ACVR1C: variants seen among roughly 807,000 people sequenced by gnomAD.
ACVR1C encodes activin A receptor type 1C, also known as activin receptor type-1C.
Under a neutral mutation model 57.9 loss-of-function variants are expected in ACVR1C, and 23 were observed. The observed-to-expected ratio is 0.40, with a 90% CI of 0.29 to 0.56. The LOEUF is 0.56. ACVR1C is among the 20% of genes least tolerant of loss of function. ACVR1C has a pLI of 0.50. For missense variants in ACVR1C, 480 were observed against 607.9 expected, an observed-to-expected ratio of 0.79 and a Z score of 2.21; for synonymous variants, 214 against 215.3, an observed-to-expected ratio of 0.99 and a Z score of 0.05.
chr2:157,572,833 T>C (rs911203963), intron 2 of ACVR1C, among the ~76,000 whole-genome samples: 1 of 152,124 alleles, frequency 6.6e-6, no homozygotes, highest in African/African-American at 2.4e-5. Flanking sequence ...GAAAAAAGCC[T>C]GTCTGGCACA....
At chr2:157,557,456 C>G (rs1347962340) in intron 2 of ACVR1C, among the ~76,000 whole-genome samples, 3 of 152,018 alleles carry the variant, frequency 2.0e-5, no homozygotes, top group African/African-American at 4.8e-5. Context: ...CTCTCAAGAC[C>G]CTTGTCCTGC....
chr2:157,534,897 T>A (rs558860085), intron 8 of ACVR1C, among the ~76,000 whole-genome samples: 4 of 152,232 alleles, frequency 2.6e-5, no homozygotes, highest in African/African-American at 9.6e-5. Context: ...GTCTCATGCC[T>A]GTAATTCTAG....
At chr2:157,586,821 T>C (rs977782693) in intron 2 of ACVR1C, among the ~76,000 whole-genome samples, 3 of 152,190 alleles carry the variant, frequency 2.0e-5, no homozygotes, top group Non-Finnish European at 4.4e-5. Flanking sequence ...CTTCTCAGTA[T>C]GTATTTCAAT....
At chr2:157,617,203 G>A (rs1682673057) in intron 1 of ACVR1C, among the ~76,000 whole-genome samples, 1 of 151,966 alleles carries the variant, frequency 6.6e-6, no homozygotes, top group Admixed American at 6.6e-5. Context: ...GATAAAGAGG[G>A]ACGTCTTATA....
At chr2:157,623,152 G>C (rs892509477) in intron 1 of ACVR1C, among the ~76,000 whole-genome samples, 3 of 152,210 alleles carry the variant, frequency 2.0e-5, no homozygotes, top group African/African-American at 4.8e-5. Flanking sequence ...TTTGTACACT[G>C]TTGGTAGGAT....
intron 2 of ACVR1C, among the ~76,000 whole-genome samples, chr2:157,560,592 C>A (rs1488105913): frequency 6.6e-6 from 1 of 152,160 alleles, no homozygotes; most frequent in Non-Finnish European, 1.5e-5. Flanking sequence ...CTGCATCAAC[C>A]AATCAGAACT....
At chr2:157,544,402 C>G (rs758967036) in intron 5 of ACVR1C, 43 bp downstream of exon 5, 2 of 1,542,356 alleles carry the variant, frequency 1.3e-6, no homozygotes, top group South Asian at 2.4e-5. Flanking sequence ...GTACCTCTAT[C>G]CTCATATTCA....
At chr2:157,553,465 A>G (rs1468671721) in intron 3 of ACVR1C, among the ~76,000 whole-genome samples, 4 of 152,052 alleles carry the variant, frequency 2.6e-5, no homozygotes. Context: ...CAGTAATTCC[A>G]GATTTAGGTT....
At position 157,556,162 on chromosome 2, in the gene ACVR1C, T is replaced by C. The variant is rs372055374; in HGVS notation, c.475A>G (p.Asn159Asp). The stretch of plus-strand genomic sequence containing the variant: ...AGAGTTTTTCCAGCATTTACCAGAT[T>C]GCACTCAGAGAGTGGTTCCTCCACA... Reference protein sequence around the residue: ...PNVEEPLSECNLVNAGKTLKD... With the variant: ...PNVEEPLSECDLVNAGKTLKD... The change falls in exon 3 of 9, where the codon AAT becomes GAT. Residue 159 changes from asparagine (N) to aspartate (D), a missense_variant. Asn to Asp is a conservative substitution (Grantham distance 23, BLOSUM62 1). Coordinates refer to ENST00000243349, the MANE Select transcript of ACVR1C (RefSeq NM_145259.3). The C allele has an allele frequency of 9.9e-6, 16 of 1,613,996 alleles. No individual in the cohort carries two copies. The highest frequency in any genetic ancestry group is 2.7e-5 in the African/African-American group (2 of 74,916).
Position 157,554,268 on chromosome 2 carries a change from A to AAAGAAAGAAAGAAAGAAAGAAAGAAAGG in ACVR1C, c.544+1824_544+1825insCCTTTCTTTCTTTCTTTCTTTCTTTCTT, listed in dbSNP as rs1261113225. Among the ~76,000 whole-genome samples, 152 of 113,406 alleles carry AAAGAAAGAAAGAAAGAAAGAAAGAAAGG rather than the reference A, an allele frequency of 1.3e-3. 2 individuals are homozygous for AAAGAAAGAAAGAAAGAAAGAAAGAAAGG. The highest frequency in any genetic ancestry group is 2.5e-3 in the African/African-American group (48 of 19,388). 74.4% of individuals were successfully genotyped at this position (113,406 alleles called of 152,430 possible). A position where few individuals can be genotyped will look rare whatever the true frequency, so the allele number is the denominator to read the frequency against. On this transcript the variant is annotated intron_variant, in intron 3 of 8. Transcript: ENST00000243349. The stretch of plus-strand genomic sequence containing the variant: ...GAAAGAAAGAAAGAAAGAAAGAAAG[A>AAAGAAAGAAAGAAAGAAAGAAAGAAAGG]AAGGAAGGAAGGAAGAGAGAGAGAG...
intron 1 of ACVR1C, among the ~76,000 whole-genome samples, chr2:157,592,813 C>T (rs1190135554): frequency 6.6e-6 from 1 of 151,992 alleles, no homozygotes; most frequent in Non-Finnish European, 1.5e-5. Context: ...TTCATTGAGT[C>T]AATTATACTA....
intron 2 of ACVR1C, among the ~76,000 whole-genome samples, chr2:157,558,243 A>G (rs1573918871): frequency 6.6e-6 from 1 of 152,334 alleles, no homozygotes; most frequent in East Asian, 1.9e-4. Flanking sequence ...ATGGGAGACT[A>G]TGCTTGGAAA....
chr2:157,544,699 T>C (rs1687708323), intron 4 of ACVR1C, 87 bp from the exon 5 acceptor site: 6 of 1,189,724 alleles, frequency 5.0e-6, no homozygotes, highest in African/African-American at 1.5e-5. Context: ...TTAATCTGTA[T>C]TGTTAACAAA....
intron 8 of ACVR1C, among the ~76,000 whole-genome samples, chr2:157,534,673 A>T (rs1687437374): frequency 6.6e-6 from 1 of 152,240 alleles, no homozygotes; most frequent in Non-Finnish European, 1.5e-5. Flanking sequence ...TTTAAAAATG[A>T]ACTAGCAAAG....
Position 157,533,840 on chromosome 2 carries a change from A to C in ACVR1C, c.*78T>G. ...TATCTTTGAGGTAGAACAAAAAAAAAATGGCAAAAACATTCACATAAAGGG... is the reference window on the plus strand; with the variant it reads ...TATCTTTGAGGTAGAACAAAAAAAACATGGCAAAAACATTCACATAAAGGG... On this transcript the variant is annotated 3_prime_UTR_variant, in exon 9 of 9. Transcript: ENST00000243349. The C allele has an allele frequency of 7.1e-7, 1 of 1,401,338 alleles. No homozygotes were observed. Among genetic ancestry groups the C allele is most frequent in the Non-Finnish European group, 9.4e-7 (1 of 1,066,904 alleles). The allele number at this position is 1,401,338 out of a possible 1,614,324, so 86.8% of individuals were successfully genotyped here. A position where few individuals can be genotyped will look rare whatever the true frequency, so the allele number is the denominator to read the frequency against.
intron 2 of ACVR1C, among the ~76,000 whole-genome samples, chr2:157,562,286 A>C (rs1233218011): frequency 8.4e-6 from 1 of 119,572 alleles, no homozygotes; most frequent in South Asian, 2.4e-4. Context: ...AGAGCAAGAC[A>C]CCGTCTCAAA....
rs555033859 is a variant in ACVR1C, at chr2:157,559,275, G to GA, written c.305-2944dup. Among the ~76,000 whole-genome samples the GA allele has an allele frequency of 5.3e-5, 8 of 152,210 alleles. No homozygotes were observed. In the South Asian group the frequency reaches 6.2e-4, roughly 12 times the overall value. ...AAATTTACCGATATGAGTCAGTAAG[G>GA]AAAAAAGATTACTCAGCTAGAAAAA... On this transcript the variant is annotated intron_variant, in intron 2 of 8. Transcript: ENST00000243349.
intron 1 of ACVR1C, among the ~76,000 whole-genome samples, chr2:157,600,103 C>T (rs1363302404): frequency 6.6e-6 from 1 of 152,148 alleles, no homozygotes; most frequent in Non-Finnish European, 1.5e-5. Flanking sequence ...ACCCAGAAAA[C>T]CAAGTTGTTG....
At chr2:157,589,537 A>G (rs908180661) in intron 1 of ACVR1C, among the ~76,000 whole-genome samples, 2 of 151,996 alleles carry the variant, frequency 1.3e-5, no homozygotes, top group Non-Finnish European at 2.9e-5. Context: ...TAGATGACAC[A>G]AACAAATGGA....
Sources: gnomAD v4.1 joint callset for allele counts (sites outside exome capture counted in the v4.1 genomes callset) on GRCh38, gnomAD v4.1.1 for gene constraint, MANE v1.5 for transcripts, NCBI Gene and HGNC (gene_info 2026-07-23, HGNC 2026-07-21) for gene names.